The following KDM5A variants were observed in gnomAD, a reference collection of about 807,000 sequenced individuals.
The protein encoded by KDM5A is lysine demethylase 5A.
KDM5A carries 42 observed loss-of-function variants against 193.5 expected under a neutral mutation model. That is an observed-to-expected ratio of 0.22 (90% CI 0.17 to 0.28). The LOEUF is 0.28. KDM5A is among the 10% of genes least tolerant of loss of function. KDM5A has a pLI of 1.00. For synonymous variants in KDM5A, 796 were observed against 718.1 expected, an observed-to-expected ratio of 1.11 and a Z score of -1.73; for missense variants, 1,692 against 2,055.1, an observed-to-expected ratio of 0.82 and a Z score of 3.42.
chr12:291,851 T>C (rs920620256), intron 27 of KDM5A, among the ~76,000 whole-genome samples: 1 of 151,616 alleles, frequency 6.6e-6, no homozygotes, highest in Non-Finnish European at 1.5e-5. Context: ...AGAACGGCCA[T>C]AAGAGAATTA....
Position 307,391 on chromosome 12 carries a change from AT to A in KDM5A, c.3930+62del. ...CTAATCAATTGGTAAGACAGACTCA[AT>A]TTACTATTTATACACTGACATATCC... On this transcript the variant is annotated intron_variant, in intron 23 of 27. Coordinates refer to ENST00000399788, the MANE Select transcript of KDM5A (RefSeq NM_001042603.3). This position sits in a 1 kb window ranked among gnomAD's most constrained non-coding sequence, Gnocchi z 4.3. The A allele has an allele frequency of 6.6e-7, 1 of 1,517,398 alleles. No individual in the cohort carries two copies. The highest frequency in any genetic ancestry group is 9.1e-7 in the Non-Finnish European group (1 of 1,094,480). The allele number at this position is 1,517,398 out of a possible 1,614,324, so 94.0% of individuals were successfully genotyped here.
intron 4 of KDM5A, among the ~76,000 whole-genome samples, chr12:364,199 C>G (rs776801603): frequency 1.3e-5 from 2 of 152,164 alleles, no homozygotes; most frequent in Non-Finnish European, 2.9e-5. Context: ...AGGCCGGGTG[C>G]GGTGGCTCAC....
intron 10 of KDM5A, among the ~76,000 whole-genome samples, chr12:337,263 CTT>C: frequency 6.6e-6 from 1 of 152,208 alleles, no homozygotes; most frequent in African/African-American, 2.4e-5. Flanking sequence ...TACAGCCTCT[CTT>C]CTTTATAAAT....
rs990644932 is a variant in KDM5A, at chr12:282,058, A to C, written c.*3398T>G. 6 of 332,980 alleles carry C rather than the reference A, an allele frequency of 1.8e-5. No individual in the cohort carries two copies. The highest frequency in any genetic ancestry group is 3.5e-5 in the Non-Finnish European group (6 of 172,994). The allele number at this position is 332,980 out of a possible 1,614,324, so 20.6% of individuals were successfully genotyped here. A position where few individuals can be genotyped will look rare whatever the true frequency, so the allele number is the denominator to read the frequency against. On this transcript the variant is annotated 3_prime_UTR_variant, in exon 28 of 28. Coordinates refer to ENST00000399788, the MANE Select transcript of KDM5A (RefSeq NM_001042603.3). ...AGCTCAGCCTGCACAGAAGCGCAGAAGCAAAGCCCAGGCAGAACCATGCTA... is the reference window on the plus strand; with the variant it reads ...AGCTCAGCCTGCACAGAAGCGCAGACGCAAAGCCCAGGCAGAACCATGCTA...
At chr12:352,074 A>C (rs977243530) in intron 9 of KDM5A, 131 bp downstream of exon 9, 2 of 800,196 alleles carry the variant, frequency 2.5e-6, no homozygotes, top group Non-Finnish European at 1.9e-6. Context: ...ACTGCACTCC[A>C]GCCTGGGCGA....
chr12:383,163 A>C (rs1944595918), intron 3 of KDM5A, among the ~76,000 whole-genome samples: 1 of 152,092 alleles, frequency 6.6e-6, no homozygotes, highest in Admixed American at 6.6e-5. Context: ...AAACTAATAT[A>C]TACCACACAT....
At chr12:382,402 G>A (rs1178277812) in intron 3 of KDM5A, among the ~76,000 whole-genome samples, 2 of 151,596 alleles carry the variant, frequency 1.3e-5, no homozygotes, top group East Asian at 1.9e-4. Context: ...GGTGGAGGCT[G>A]CAGTGAGCCG....
At chr12:308,092 C>T (rs1943535503) in intron 22 of KDM5A, 87 bp from the exon 23 acceptor site, 2 of 1,422,960 alleles carry the variant, frequency 1.4e-6, no homozygotes, top group African/African-American at 1.4e-5. Context: ...GATCTTTCTC[C>T]CAAGTTATCA....
chr12:319,754 AAAAAG>A (rs913799928), intron 18 of KDM5A, among the ~76,000 whole-genome samples: 9 of 125,464 alleles, frequency 7.2e-5, no homozygotes, highest in East Asian at 2.9e-4. Flanking sequence ...ACGCTGTCTC[AAAAAG>A]AAAAGAAAAG....
intron 5 of KDM5A, 21 bp downstream of exon 5, chr12:362,942 A>G (rs1176003375): frequency 6.2e-7 from 1 of 1,613,280 alleles, no homozygotes; most frequent in Non-Finnish European, 8.5e-7. Flanking sequence ...AAAAATTTAA[A>G]AAAGCCCAAG....
chr12:307,038 C>T lies in KDM5A; in HGVS notation c.3982G>A (p.Val1328Met), dbSNP rs1336226402. The change falls in exon 24 of 28, where the codon GTG (valine) becomes ATG (methionine). Residue 1328 changes from valine to methionine, a missense_variant. Coordinates refer to ENST00000399788, the MANE Select transcript of KDM5A (RefSeq NM_001042603.3). This position sits in a 1 kb window ranked among gnomAD's most constrained non-coding sequence, Gnocchi z 4.3. ...QSAFNRVVSS[V>M]SSSPRQTMDY... is the part of the protein sequence containing the mutation. ...ATTGTTTGTCGAGGAGAAGATGACA[C>T]ACTGCTCACCACCCGGTTAAAAGCA... 5.6e-6 allele frequency: 9 copies of T among 1,614,152 alleles called. No individual in the cohort carries two copies. The highest frequency in any genetic ancestry group is 4.5e-5 in the East Asian group (2 of 44,878).
chr12:356,892 G>T (rs577206773), intron 5 of KDM5A, among the ~76,000 whole-genome samples: 8 of 152,318 alleles, frequency 5.3e-5, no homozygotes, highest in African/African-American at 1.9e-4. Context: ...AACTGTGACT[G>T]TCCTAAGCCA....
chr12:361,885 C>G (rs1281265493), intron 5 of KDM5A, among the ~76,000 whole-genome samples: 1 of 152,022 alleles, frequency 6.6e-6, no homozygotes, highest in African/African-American at 2.4e-5. Context: ...AAAACATAAA[C>G]TCAGAAAAAG....
intron 2 of KDM5A, among the ~76,000 whole-genome samples, chr12:384,908 G>A (rs767823754): frequency 2.0e-5 from 3 of 152,134 alleles, no homozygotes; most frequent in Non-Finnish European, 2.9e-5. Flanking sequence ...TATGCATTGC[G>A]GCCAGGCGCG....
intron 9 of KDM5A, 47 bp from the exon 10 acceptor site, chr12:350,826 A>C (rs1374439372): frequency 6.7e-7 from 1 of 1,492,036 alleles, no homozygotes; most frequent in Admixed American, 1.7e-5. Flanking sequence ...CACTATAACT[A>C]TAACCCATAT....
chr12:280,296 A>G lies in KDM5A; in HGVS notation c.*5160T>C, dbSNP rs899679778. On this transcript the variant is annotated 3_prime_UTR_variant, in exon 28 of 28. Transcript: ENST00000399788. ...TATTCTGGATCTTCCATTTATTGGTATCAACCACAATAGCAAGACCCCCAA... is the reference window on the plus strand; with the variant it reads ...TATTCTGGATCTTCCATTTATTGGTGTCAACCACAATAGCAAGACCCCCAA... 4.3e-6 allele frequency: 1 copy of G among 233,042 alleles called. No individual in the cohort carries two copies. The highest frequency in any genetic ancestry group is 2.2e-5 in the African/African-American group (1 of 45,440). The allele number at this position is 233,042 out of a possible 1,614,324, so 14.4% of individuals were successfully genotyped here.
chr12:362,829 C>T (rs561859024), intron 5 of KDM5A, 134 bp downstream of exon 5: 6 of 767,486 alleles, frequency 7.8e-6, no homozygotes, highest in African/African-American at 1.7e-5. Flanking sequence ...GGCACAGCAG[C>T]GCATACCAAC....
Position 280,239 on chromosome 12 carries a change from G to C in KDM5A, c.*5217C>G, listed in dbSNP as rs1000017947. 4.3e-6 allele frequency: 1 copy of C among 232,554 alleles called. No individual in the cohort carries two copies. The highest frequency in any genetic ancestry group is 2.2e-5 in the African/African-American group (1 of 45,268). 14.4% of individuals were successfully genotyped at this position (232,554 alleles called of 1,614,324 possible). On this transcript the variant is annotated 3_prime_UTR_variant, in exon 28 of 28. Transcript: ENST00000399788. The stretch of plus-strand genomic sequence containing the variant: ...TACAATGTGTACAATGTTTCACCAT[G>C]TTCCAATTAATGGTTGAGCTTTAAA...
In KDM5A at chr12:281,582, T is replaced by C. The variant is rs902626730; in HGVS notation, c.*3874A>G. ...AAAAGGAGTACTTAAGGACCTGCTA[T>C]AAAAGCAACCTTCTACACACATATG... On this transcript the variant is annotated 3_prime_UTR_variant, in exon 28 of 28. Transcript: ENST00000399788. 4.3e-6 allele frequency: 1 copy of C among 233,256 alleles called. No individual in the cohort carries two copies. The highest frequency in any genetic ancestry group is 8.5e-6 in the Non-Finnish European group (1 of 118,022). The allele number at this position is 233,256 out of a possible 1,614,324, so 14.4% of individuals were successfully genotyped here.
Sources: allele counts gnomAD v4.1 joint callset (sites outside exome capture counted in the v4.1 genomes callset), GRCh38; gene constraint gnomAD v4.1.1; non-coding constraint Gnocchi (gnomAD v3.1); transcripts MANE v1.5; gene names NCBI Gene and HGNC (gene_info 2026-07-23, HGNC 2026-07-21).